PRKCA: variants seen among roughly 807,000 people sequenced by gnomAD.
The protein encoded by PRKCA is protein kinase C alpha.
Under a neutral mutation model 87.0 loss-of-function variants are expected in PRKCA, and 27 were observed. That is an observed-to-expected ratio of 0.31 (90% CI 0.23 to 0.43). The LOEUF is 0.43. Ranked by LOEUF, PRKCA falls within the 20% of genes least tolerant of loss-of-function variation. PRKCA has a pLI of 1.00. For missense variants in PRKCA, 518 were observed against 852.3 expected, an observed-to-expected ratio of 0.61 and a Z score of 4.88; for synonymous variants, 329 against 311.1, an observed-to-expected ratio of 1.06 and a Z score of -0.61.
At chr17:66,594,987 G>T (rs910335817) in intron 3 of PRKCA, among the ~76,000 whole-genome samples, 2 of 152,178 alleles carry the variant, frequency 1.3e-5, no homozygotes, top group Non-Finnish European at 2.9e-5. Context: ...GGAACCAGAA[G>T]TCCAAAATCA....
chr17:66,436,022 G>A (rs537830114), intron 2 of PRKCA, among the ~76,000 whole-genome samples: 1 of 152,126 alleles, frequency 6.6e-6, no homozygotes, highest in African/African-American at 2.4e-5. Flanking sequence ...GTGGATCCAT[G>A]GTGCAAATGG....
At chr17:66,369,382 G>A in intron 2 of PRKCA, among the ~76,000 whole-genome samples, 1 of 152,044 alleles carries the variant, frequency 6.6e-6, no homozygotes, top group Non-Finnish European at 1.5e-5. Flanking sequence ...CTGGGGAGGA[G>A]GAGGGACCTG....
chr17:66,701,548 G>A (rs1288397504), intron 8 of PRKCA, among the ~76,000 whole-genome samples: 1 of 152,044 alleles, frequency 6.6e-6, no homozygotes, highest in Non-Finnish European at 1.5e-5. Flanking sequence ...TTTGCAAACT[G>A]TATATCCAAT....
intron 5 of PRKCA, among the ~76,000 whole-genome samples, chr17:66,650,745 C>T (rs997722797): frequency 1.8e-4 from 27 of 152,140 alleles, no homozygotes; most frequent in African/African-American, 6.5e-4. Flanking sequence ...TGGAGACTCA[C>T]CCTCATCTTA....
intron 2 of PRKCA, among the ~76,000 whole-genome samples, chr17:66,487,867 A>G (rs1916052169): frequency 6.6e-6 from 1 of 152,088 alleles, no homozygotes; most frequent in Non-Finnish European, 1.5e-5. Flanking sequence ...TGTTGAGTGA[A>G]GAGTTTGAGA....
At position 66,810,131 on chromosome 17, in the gene PRKCA, AATAAG is replaced by A. The variant is rs1213509910; in HGVS notation, c.*6099_*6103del. On this transcript the variant is annotated 3_prime_UTR_variant, in exon 17 of 17. Coordinates refer to ENST00000413366, the MANE Select transcript of PRKCA (RefSeq NM_002737.3). ...ACTTTATAAGAACCTTTTTTTCTAA[AATAAG>A]ATAAAAGGTGGCTTTGCATTTTCTG... 1 of 152,194 alleles carries A rather than the reference AATAAG, an allele frequency of 6.6e-6. No homozygotes were observed. The highest frequency in any genetic ancestry group is 1.5e-5 in the Non-Finnish European group (1 of 68,026). The allele number at this position is 152,194 out of a possible 1,614,324, so 9.4% of individuals were successfully genotyped here.
At chr17:66,469,347 T>C (rs73996226) in intron 2 of PRKCA, among the ~76,000 whole-genome samples, 9,680 of 152,192 alleles carry the variant, frequency 0.064, 1,020 homozygotes, top group African/African-American at 0.22. Flanking sequence ...ATATGAGGGG[T>C]GCTGTGTTTC....
chr17:66,576,515 C>T (rs912884227), intron 3 of PRKCA, among the ~76,000 whole-genome samples: 6 of 152,274 alleles, frequency 3.9e-5, no homozygotes, highest in Non-Finnish European at 7.3e-5. Context: ...TGGCTCTTTA[C>T]TGCAGCATGT....
chr17:66,663,604 A>G (rs1047191373), intron 5 of PRKCA, among the ~76,000 whole-genome samples: 1 of 152,148 alleles, frequency 6.6e-6, no homozygotes, highest in Non-Finnish European at 1.5e-5. Context: ...TCTAGCTCTC[A>G]CTGTGTTTTG....
At chr17:66,393,787 C>T (rs994455722) in intron 2 of PRKCA, among the ~76,000 whole-genome samples, 7 of 152,146 alleles carry the variant, frequency 4.6e-5, no homozygotes, top group African/African-American at 1.7e-4. Flanking sequence ...AAAGAGGATA[C>T]CTTTGGCTGG....
chr17:66,624,815 TAAATAAATAAAA>T (rs1369188564), intron 3 of PRKCA, among the ~76,000 whole-genome samples: 3 of 145,238 alleles, frequency 2.1e-5, no homozygotes, highest in Admixed American at 2.0e-4. Flanking sequence ...AATAAATAAA[TAAATAAATAAAA>T]AGAATTATTT....
At chr17:66,427,702 A>G (rs1912887774) in intron 2 of PRKCA, among the ~76,000 whole-genome samples, 1 of 152,214 alleles carries the variant, frequency 6.6e-6, no homozygotes, top group Non-Finnish European at 1.5e-5. Flanking sequence ...AAGAGTTTCT[A>G]AGTATGGGGG....
chr17:66,658,025 A>G (rs1971782822), intron 5 of PRKCA, among the ~76,000 whole-genome samples: 1 of 152,208 alleles, frequency 6.6e-6, no homozygotes, highest in African/African-American at 2.4e-5. Context: ...GGTAATTTCT[A>G]GAGGAAAGAG....
chr17:66,513,186 G>A (rs1030912705), intron 3 of PRKCA, among the ~76,000 whole-genome samples: 12 of 152,186 alleles, frequency 7.9e-5, no homozygotes, highest in African/African-American at 2.9e-4. Flanking sequence ...GTGAATATTT[G>A]TTGGCTGGAT....
At chr17:66,464,253 C>T (rs2143982359) in intron 2 of PRKCA, among the ~76,000 whole-genome samples, 1 of 152,276 alleles carries the variant, frequency 6.6e-6, no homozygotes, top group South Asian at 2.1e-4. Flanking sequence ...CATCTGGATG[C>T]ACCGCAGTTT....
intron 2 of PRKCA, among the ~76,000 whole-genome samples, chr17:66,425,529 G>A (rs1268290523): frequency 1.3e-5 from 2 of 152,180 alleles, no homozygotes; most frequent in South Asian, 2.1e-4. Flanking sequence ...ATTGTCAAAT[G>A]TGTCGGGTGG....
At chr17:66,568,779 G>A (rs1326940329) in intron 3 of PRKCA, among the ~76,000 whole-genome samples, 2 of 152,148 alleles carry the variant, frequency 1.3e-5, no homozygotes, top group Admixed American at 6.5e-5. Context: ...ACTCAATGAA[G>A]TGATGAAATT....
chr17:66,590,158 C>T (rs894029378), intron 3 of PRKCA, among the ~76,000 whole-genome samples: 4 of 152,142 alleles, frequency 2.6e-5, no homozygotes, highest in Non-Finnish European at 5.9e-5. Context: ...CATGAGGAAA[C>T]TGACCCTAGG....
intron 3 of PRKCA, among the ~76,000 whole-genome samples, chr17:66,628,294 C>T (rs879579417): frequency 6.6e-6 from 1 of 151,956 alleles, no homozygotes; most frequent in Non-Finnish European, 1.5e-5. Context: ...TATAGATGCT[C>T]ATGGTAGTGT....
Sources: gnomAD v4.1 joint callset for allele counts (sites outside exome capture counted in the v4.1 genomes callset) on GRCh38, gnomAD v4.1.1 for gene constraint, MANE v1.5 for transcripts, NCBI Gene and HGNC (gene_info 2026-07-23, HGNC 2026-07-21) for gene names.